Variants in RIMS2 observed in about 807,000 individuals in gnomAD.
RIMS2 encodes the protein regulating synaptic membrane exocytosis protein 2.
Under a neutral mutation model 174.4 loss-of-function variants are expected in RIMS2, and 59 were observed. That is an observed-to-expected ratio of 0.34 (90% CI 0.27 to 0.42). The LOEUF (loss-of-function observed/expected upper bound fraction) is 0.42. Ranked by LOEUF, RIMS2 falls within the 10% of genes least tolerant of loss-of-function variation. The probability of loss-of-function intolerance (pLI) is 1.00; values close to 1 mark genes in which losing one functional copy is unlikely to be tolerated. For synonymous variants in RIMS2, 606 were observed against 572.5 expected (o/e 1.06, Z -0.84); for missense variants, 1,620 against 1,666.3 (o/e 0.97, Z 0.48).
chr8:103,867,527 C>T (rs1163517290), intron 3 of RIMS2, among the ~76,000 whole-genome samples: 1 of 151,650 alleles, frequency 6.6e-6, no homozygotes, highest in African/African-American at 2.4e-5. Flanking sequence ...TAAAAGAATG[C>T]AAGGAGTTAG....
intron 14 of RIMS2, among the ~76,000 whole-genome samples, chr8:103,954,266 C>A (rs1310020391): frequency 6.6e-6 from 1 of 152,150 alleles, no homozygotes; most frequent in East Asian, 1.9e-4. Context: ...TAGACATCTA[C>A]AGAACTCTCC....
At chr8:104,095,368 C>G (rs998557282) in intron 19 of RIMS2, among the ~76,000 whole-genome samples, 3 of 151,964 alleles carry the variant, frequency 2.0e-5, no homozygotes, top group Non-Finnish European at 4.4e-5. Flanking sequence ...AGAATAGATG[C>G]CTTAGGGTTT....
chr8:104,061,399 A>G (rs1392124787), intron 19 of RIMS2, among the ~76,000 whole-genome samples: 1 of 151,766 alleles, frequency 6.6e-6, no homozygotes, highest in African/African-American at 2.4e-5. Context: ...GCAACCCCAG[A>G]TTCATAAAGC....
At chr8:103,991,455 A>C (rs1596530160) in intron 17 of RIMS2, among the ~76,000 whole-genome samples, 2 of 151,948 alleles carry the variant, frequency 1.3e-5, no homozygotes, top group African/African-American at 4.8e-5. Flanking sequence ...TAAGCAACAA[A>C]TTCTTAATCT....
chr8:103,822,197 C>A (rs1400419174), intron 3 of RIMS2, among the ~76,000 whole-genome samples: 1 of 151,558 alleles, frequency 6.6e-6, no homozygotes, highest in Non-Finnish European at 1.5e-5. Flanking sequence ...TAAAAGGGGG[C>A]CTTTTCAAGT....
At chr8:103,628,353 T>A (rs2095835785) in intron 1 of RIMS2, among the ~76,000 whole-genome samples, 3 of 101,736 alleles carry the variant, frequency 2.9e-5, no homozygotes, top group Admixed American at 1.3e-4. Context: ...GTGAGATCCC[T>A]GTTTTTTTTT....
intron 3 of RIMS2, among the ~76,000 whole-genome samples, chr8:103,788,856 G>A (rs968539780): frequency 1.3e-5 from 2 of 152,144 alleles, no homozygotes; most frequent in Non-Finnish European, 1.5e-5. Flanking sequence ...AATGGCGGGC[G>A]CCCCTCCCCC....
intron 19 of RIMS2, among the ~76,000 whole-genome samples, chr8:104,095,951 G>A (rs139198826): frequency 1.4e-4 from 21 of 152,166 alleles, no homozygotes; most frequent in African/African-American, 5.1e-4. Flanking sequence ...CTCTATGAAA[G>A]TTTCTGTATA....
intron 3 of RIMS2, among the ~76,000 whole-genome samples, chr8:103,789,362 C>T (rs2098474978): frequency 6.6e-6 from 1 of 152,070 alleles, no homozygotes; most frequent in South Asian, 2.1e-4. Flanking sequence ...TGACTTCTGT[C>T]TCTGACCTCA....
exon 4 of RIMS2, chr8:103,885,659 C>T (rs780336959): frequency 3.1e-6 from 5 of 1,612,976 alleles, no homozygotes; most frequent in African/African-American, 1.3e-5. Flanking sequence ...AGAACAAATG[C>T]GGATCCATGC....
chr8:104,074,327 T>C (rs1200425108), intron 19 of RIMS2, among the ~76,000 whole-genome samples: 1 of 152,180 alleles, frequency 6.6e-6, no homozygotes, highest in Non-Finnish European at 1.5e-5. Flanking sequence ...GCTTTTTTAA[T>C]CTATTAAACA....
intron 19 of RIMS2, among the ~76,000 whole-genome samples, chr8:104,102,831 C>T (rs2097931490): frequency 6.6e-6 from 1 of 152,170 alleles, no homozygotes; most frequent in African/African-American, 2.4e-5. Context: ...CCCAATCCCT[C>T]CAATGACACA....
intron 19 of RIMS2, among the ~76,000 whole-genome samples, chr8:104,186,155 T>C (rs1224492672): frequency 6.6e-6 from 1 of 151,768 alleles, no homozygotes; most frequent in Non-Finnish European, 1.5e-5. Context: ...AAATACCACA[T>C]GTTCTCAGTT....
chr8:103,814,686 G>A (rs1320691923), intron 3 of RIMS2, among the ~76,000 whole-genome samples: 1 of 152,004 alleles, frequency 6.6e-6, no homozygotes, highest in Non-Finnish European at 1.5e-5. Context: ...ACTAGCCTGG[G>A]AAACATAGTG....
intron 1 of RIMS2, among the ~76,000 whole-genome samples, chr8:103,520,565 T>C (rs1413939191): frequency 1.3e-5 from 2 of 152,146 alleles, no homozygotes; most frequent in African/African-American, 2.4e-5. Context: ...TGCTCTTTGC[T>C]TGCCATTAGT....
chr8:104,223,465 G>A (rs1310482515), intron 19 of RIMS2: 2 of 1,375,738 alleles, frequency 1.5e-6, no homozygotes, highest in South Asian at 1.8e-5. Flanking sequence ...TAAATTGGAG[G>A]TCCCGGCGGC....
chr8:103,645,417 A>G (rs947533583), intron 1 of RIMS2, among the ~76,000 whole-genome samples: 2 of 152,130 alleles, frequency 1.3e-5, no homozygotes, highest in Admixed American at 1.3e-4. Context: ...GCTTTCATTT[A>G]TTACTATATC....
chr8:104,194,993 C>A (rs1397445696), intron 19 of RIMS2, among the ~76,000 whole-genome samples: 1 of 152,126 alleles, frequency 6.6e-6, no homozygotes, highest in Non-Finnish European at 1.5e-5. Context: ...AACAGGTATG[C>A]CTTTTAGGTC....
intron 1 of RIMS2, among the ~76,000 whole-genome samples, chr8:103,644,208 GTGTT>G (rs1352258823): frequency 1.3e-5 from 2 of 152,110 alleles, no homozygotes; most frequent in East Asian, 3.8e-4. Flanking sequence ...TAATTATAAA[GTGTT>G]TGTGGATATA....
Sources: gnomAD v4.1 joint callset for allele counts (sites outside exome capture counted in the v4.1 genomes callset) on GRCh38, gnomAD v4.1.1 for gene constraint, MANE v1.5 for transcripts, NCBI Gene and HGNC (gene_info 2026-07-23, HGNC 2026-07-21) for gene names.